The following KIAA1328 variants were observed in gnomAD, a reference collection of about 807,000 sequenced individuals.
KIAA1328 encodes KIAA1328.
KIAA1328 carries 52 observed loss-of-function variants against 68.1 expected under a neutral mutation model. The ratio of observed to expected loss-of-function variants is 0.76; its 90% CI spans 0.61 to 0.96. The LOEUF (loss-of-function observed/expected upper bound fraction) is 0.96, where lower values mean the gene tolerates loss of function less well. Ranked by LOEUF, KIAA1328 falls within the 40% of genes least tolerant of loss-of-function variation. KIAA1328 has a pLI of 0.00. For missense variants in KIAA1328, 641 were observed against 677.6 expected (o/e 0.95, Z 0.60); for synonymous variants, 232 against 239.4 (o/e 0.97, Z 0.28).
At chr18:37,165,220 G>T (rs2059362130) in intron 8 of KIAA1328, among the ~76,000 whole-genome samples, 1 of 151,988 alleles carries the variant, frequency 6.6e-6, no homozygotes, top group South Asian at 2.1e-4. Context: ...ATTAGGGAAG[G>T]CACAACTAAG....
At chr18:36,837,929 G>T (rs1450405199) in intron 3 of KIAA1328, among the ~76,000 whole-genome samples, 2 of 152,048 alleles carry the variant, frequency 1.3e-5, no homozygotes, top group Non-Finnish European at 1.5e-5. Flanking sequence ...TCTGTATTCT[G>T]TTCCATTGAT....
chr18:37,193,497 G>A, intron 9 of KIAA1328: 1 of 656,816 alleles, frequency 1.5e-6, no homozygotes, highest in Non-Finnish European at 2.8e-6. Context: ...TGAGACTCAG[G>A]AAAAACTTTT....
rs181815057 is a variant in KIAA1328 at position 37,031,463 on chromosome 18, A to G, written c.577-35427A>G. On this transcript the variant is annotated intron_variant, in intron 6 of 9. Transcript: ENST00000280020. Reference sequence around the variant, plus strand: ...TCACTTCTTTTGAAATATACCTAATATGTTATTAATATAGCCACTTCAGCT... The same window carrying G: ...TCACTTCTTTTGAAATATACCTAATGTGTTATTAATATAGCCACTTCAGCT... Among the ~76,000 whole-genome samples, 39 of 152,290 alleles carry G rather than the reference A, an allele frequency of 2.6e-4. No homozygotes were observed. In the East Asian group the frequency reaches 7.5e-3, roughly 29 times the overall value.
At chr18:37,226,280 A>T (rs1433816818), downstream of KIAA1328, among the ~76,000 whole-genome samples, 16 of 146,694 alleles carry the variant, frequency 1.1e-4, no homozygotes, top group African/African-American at 3.0e-4. Context: ...CCCTTTTTAA[A>T]TTTTTTTTTT....
chr18:37,019,477 T>A (rs1260819861), intron 6 of KIAA1328, among the ~76,000 whole-genome samples: 2 of 152,198 alleles, frequency 1.3e-5, no homozygotes, highest in African/African-American at 4.8e-5. Flanking sequence ...GAACAACAGA[T>A]CTGGACCAGG....
intron 7 of KIAA1328, among the ~76,000 whole-genome samples, chr18:37,143,325 T>C (rs1005307959): frequency 5.3e-5 from 8 of 152,166 alleles, no homozygotes; most frequent in Non-Finnish European, 1.2e-4. Context: ...ACACATTTTT[T>C]GTGGAATTTA....
intron 9 of KIAA1328, among the ~76,000 whole-genome samples, chr18:37,181,742 T>C (rs17652953): frequency 0.13 from 20,289 of 152,226 alleles, 1,724 homozygotes; most frequent in Non-Finnish European, 0.18. Context: ...GAGATAGAAT[T>C]CTACTCCTTG....
intron 4 of KIAA1328, among the ~76,000 whole-genome samples, chr18:36,848,839 G>A (rs950592476): frequency 4.0e-5 from 6 of 149,980 alleles, no homozygotes; most frequent in East Asian, 3.9e-4. Flanking sequence ...TCTTTTTTCC[G>A]TTAATGAGGT....
chr18:36,923,564 A>G (rs2050007044), intron 5 of KIAA1328, among the ~76,000 whole-genome samples: 1 of 152,200 alleles, frequency 6.6e-6, no homozygotes, highest in Non-Finnish European at 1.5e-5. Flanking sequence ...TAAATAGATA[A>G]GTTGATTTGT....
chr18:36,832,101 T>A (rs552807720), intron 1 of KIAA1328, among the ~76,000 whole-genome samples: 3 of 152,190 alleles, frequency 2.0e-5, no homozygotes, highest in African/African-American at 7.2e-5. Flanking sequence ...CCATAAAATA[T>A]ACATTTGTTG....
intron 7 of KIAA1328, among the ~76,000 whole-genome samples, chr18:37,102,999 C>T (rs1025767953): frequency 2.0e-5 from 3 of 151,930 alleles, no homozygotes; most frequent in Admixed American, 6.6e-5. Flanking sequence ...AAGACCTCAA[C>T]GAGGAAAGTA....
intron 5 of KIAA1328, among the ~76,000 whole-genome samples, chr18:36,891,731 C>A (rs973163247): frequency 2.0e-5 from 3 of 152,124 alleles, no homozygotes. Flanking sequence ...AGCTTGGGCC[C>A]ATATTTTTGC....
intron 4 of KIAA1328, among the ~76,000 whole-genome samples, chr18:36,883,265 AGC>A: frequency 6.6e-6 from 1 of 152,212 alleles, no homozygotes; most frequent in African/African-American, 2.4e-5. Context: ...AAATGTTTTG[AGC>A]ACTGGCGTGA....
intron 6 of KIAA1328, among the ~76,000 whole-genome samples, chr18:37,061,162 C>G (rs1176718706): frequency 6.6e-6 from 1 of 152,050 alleles, no homozygotes; most frequent in Non-Finnish European, 1.5e-5. Flanking sequence ...AAAGGATGCA[C>G]TATTTATTGA....
rs573808575 is a variant in KIAA1328, at chr18:37,039,805, G to A, written c.577-27085G>A. On this transcript the variant is annotated intron_variant, in intron 6 of 9. Coordinates refer to ENST00000280020, the MANE Select transcript of KIAA1328 (RefSeq NM_020776.3). ...TCTAGTCCTGTAGGTCAGAAGTCCG[G>A]TTGAACTTCACTGGGTTCTCCACTG... is the stretch of plus-strand genomic sequence containing the variant. 3.3e-5 allele frequency among the ~76,000 whole-genome samples: 5 copies of A among 152,274 alleles called. No homozygotes were observed. In the South Asian group the frequency reaches 1.0e-3, roughly 32 times the overall value.
At chr18:36,972,935 G>A (rs1283953602) in intron 6 of KIAA1328, among the ~76,000 whole-genome samples, 1 of 152,188 alleles carries the variant, frequency 6.6e-6, no homozygotes, top group Non-Finnish European at 1.5e-5. Flanking sequence ...GTTTTGTTCA[G>A]TTATCTAAAG....
intron 7 of KIAA1328, among the ~76,000 whole-genome samples, chr18:37,144,610 C>T (rs1447158936): frequency 6.6e-6 from 1 of 152,098 alleles, no homozygotes; most frequent in Non-Finnish European, 1.5e-5. Flanking sequence ...AATCTTGGAT[C>T]TCTACCTCGC....
At chr18:37,066,864 A>G in intron 6 of KIAA1328, 26 bp from the exon 7 acceptor site, 1 of 1,522,924 alleles carries the variant, frequency 6.6e-7, no homozygotes. Flanking sequence ...TTCTTATTTG[A>G]CAGGTGATCT....
intron 1 of KIAA1328, among the ~76,000 whole-genome samples, chr18:36,831,960 C>T (rs988258339): frequency 3.3e-5 from 5 of 151,986 alleles, no homozygotes; most frequent in Non-Finnish European, 5.9e-5. Context: ...CAAAAAAATA[C>T]AAATTAAACT....
Sources: allele counts gnomAD v4.1 joint callset (sites outside exome capture counted in the v4.1 genomes callset), GRCh38; gene constraint gnomAD v4.1.1; transcripts MANE v1.5; gene names NCBI Gene and HGNC (gene_info 2026-07-23, HGNC 2026-07-21).